SLC9A9: variants seen among roughly 807,000 people sequenced by gnomAD.
SLC9A9 encodes sodium/hydrogen exchanger 9.
SLC9A9 carries 62 observed loss-of-function variants against 77.8 expected under a neutral mutation model. The ratio of observed to expected loss-of-function variants is 0.80; its 90% CI spans 0.65 to 0.98. The LOEUF is 0.98. SLC9A9 is among the 50% of genes least tolerant of loss of function. The probability of loss-of-function intolerance (pLI) is 0.00; values close to 1 mark genes in which losing one functional copy is unlikely to be tolerated. For missense variants in SLC9A9, 775 were observed against 774.9 expected, an observed-to-expected ratio of 1.00 and a Z score of 0.00; for synonymous variants, 320 against 283.5, an observed-to-expected ratio of 1.13 and a Z score of -1.29.
At chr3:143,449,800 TTA>T (rs1203062799) in intron 12 of SLC9A9, among the ~76,000 whole-genome samples, 8 of 73,466 alleles carry the variant, frequency 1.1e-4, no homozygotes, top group African/African-American at 2.0e-4. Flanking sequence ...TATATATATT[TTA>T]TATATATAAT....
intron 8 of SLC9A9, among the ~76,000 whole-genome samples, chr3:143,573,504 GTCTAACGAACTGCCCCCTT>G (rs2037303629): frequency 6.6e-6 from 1 of 152,086 alleles, no homozygotes; most frequent in Non-Finnish European, 1.5e-5. Flanking sequence ...CAGCCCTTGG[GTCTAACGAACTGCCCCCTT>G]TCTATCAACT....
intron 8 of SLC9A9, among the ~76,000 whole-genome samples, chr3:143,560,538 T>A (rs2037064082): frequency 6.6e-6 from 1 of 152,188 alleles, no homozygotes; most frequent in African/African-American, 2.4e-5. Flanking sequence ...AGAATTGACA[T>A]GGTTCTGTGA....
intron 4 of SLC9A9, among the ~76,000 whole-genome samples, chr3:143,759,634 T>C (rs1298084236): frequency 6.6e-6 from 1 of 151,930 alleles, no homozygotes; most frequent in Admixed American, 6.6e-5. Flanking sequence ...ACCTCCTCTA[T>C]CCTCATAAGA....
chr3:143,824,088 A>C (rs2009239605), intron 2 of SLC9A9, among the ~76,000 whole-genome samples: 1 of 152,196 alleles, frequency 6.6e-6, no homozygotes, highest in South Asian at 2.1e-4. Flanking sequence ...GCAAGCTTTC[A>C]AAAGTGGCCA....
chr3:143,751,675 A>G (rs558398810), intron 4 of SLC9A9, among the ~76,000 whole-genome samples: 6 of 152,284 alleles, frequency 3.9e-5, no homozygotes, highest in African/African-American at 1.4e-4. Flanking sequence ...TGTGCACAAG[A>G]ACCTCTGCTT....
At chr3:143,700,183 A>C (rs1381195628) in intron 4 of SLC9A9, among the ~76,000 whole-genome samples, 1 of 152,000 alleles carries the variant, frequency 6.6e-6, no homozygotes, top group Admixed American at 6.6e-5. Context: ...AACCAGCAAC[A>C]ATACCCATGT....
intron 2 of SLC9A9, among the ~76,000 whole-genome samples, chr3:143,825,257 G>A (rs7648081): frequency 0.019 from 2,884 of 152,156 alleles, 98 homozygotes; most frequent in African/African-American, 0.066. Flanking sequence ...CTGCTCAAGC[G>A]ATTCCTGTTA....
chr3:143,546,276 G>T (rs181223227), intron 9 of SLC9A9, among the ~76,000 whole-genome samples: 1 of 152,110 alleles, frequency 6.6e-6, no homozygotes. Flanking sequence ...ATTCAATGGC[G>T]ATAAACACTA....
At chr3:143,482,413 C>T (rs1422339876) in intron 11 of SLC9A9, among the ~76,000 whole-genome samples, 8 of 152,140 alleles carry the variant, frequency 5.3e-5, no homozygotes, top group Admixed American at 5.2e-4. Context: ...TAAAACTTCT[C>T]GTAGTTTTTG....
chr3:143,678,523 C>T (rs867296012), intron 5 of SLC9A9, among the ~76,000 whole-genome samples: 3 of 152,080 alleles, frequency 2.0e-5, no homozygotes, highest in Non-Finnish European at 2.9e-5. Flanking sequence ...GTGAATTGTG[C>T]TAGTACCATT....
rs552324862 is a variant in SLC9A9, at chr3:143,730,788, T to A, written c.534-37481A>T. 2.0e-5 allele frequency among the ~76,000 whole-genome samples: 3 copies of A among 152,220 alleles called. No homozygotes were observed. In the East Asian group the frequency reaches 5.8e-4, roughly 29 times the overall value. On this transcript the variant is annotated intron_variant, in intron 4 of 15. Coordinates refer to ENST00000316549, the MANE Select transcript of SLC9A9 (RefSeq NM_173653.4). ...AATGGATGGATTGATAATGGATGGA[T>A]GGGTGAACAGGGAGAATATAAAGCC... is the stretch of plus-strand genomic sequence containing the variant.
intron 11 of SLC9A9, among the ~76,000 whole-genome samples, chr3:143,467,479 C>A (rs1221367540): frequency 6.6e-6 from 1 of 152,116 alleles, no homozygotes; most frequent in Non-Finnish European, 1.5e-5. Context: ...TGCAGTGGCT[C>A]ACACTTGTAA....
chr3:143,798,260 C>T (rs1392713720), intron 2 of SLC9A9, among the ~76,000 whole-genome samples: 6 of 152,156 alleles, frequency 3.9e-5, no homozygotes, highest in Non-Finnish European at 5.9e-5. Context: ...AAAACTCCGG[C>T]GCCAGTCACA....
At chr3:143,764,340 T>C (rs1466179869) in intron 4 of SLC9A9, among the ~76,000 whole-genome samples, 2 of 152,210 alleles carry the variant, frequency 1.3e-5, no homozygotes, top group South Asian at 2.1e-4. Flanking sequence ...GAAATTTCAA[T>C]GATAGCGTAT....
chr3:143,773,010 G>A (rs1576716157), intron 4 of SLC9A9, among the ~76,000 whole-genome samples: 1 of 152,338 alleles, frequency 6.6e-6, no homozygotes, highest in Middle Eastern at 3.4e-3. Context: ...GAAGATCATT[G>A]TTGGAAATCA....
intron 6 of SLC9A9, among the ~76,000 whole-genome samples, chr3:143,642,705 G>T (rs778782205): frequency 6.6e-6 from 1 of 152,042 alleles, no homozygotes; most frequent in Non-Finnish European, 1.5e-5. Context: ...TTTTTAAAAA[G>T]TGCTATCCTC....
intron 9 of SLC9A9, among the ~76,000 whole-genome samples, chr3:143,550,542 T>C (rs1382558109): frequency 6.6e-6 from 1 of 152,170 alleles, no homozygotes; most frequent in Non-Finnish European, 1.5e-5. Context: ...TCTTCAACAC[T>C]GGGGCTTTCT....
At chr3:143,435,705 G>A (rs928482713) in intron 12 of SLC9A9, among the ~76,000 whole-genome samples, 2 of 152,162 alleles carry the variant, frequency 1.3e-5, no homozygotes, top group Non-Finnish European at 2.9e-5. Context: ...AGGAATGTAT[G>A]CTGGGGTGGG....
intron 12 of SLC9A9, among the ~76,000 whole-genome samples, chr3:143,420,376 A>C (rs1406995857): frequency 1.3e-5 from 2 of 152,244 alleles, no homozygotes; most frequent in Non-Finnish European, 2.9e-5. Context: ...ATGACAGTTA[A>C]AACTCTATGG....
Sources: allele counts gnomAD v4.1 joint callset (sites outside exome capture counted in the v4.1 genomes callset), GRCh38; gene constraint gnomAD v4.1.1; transcripts MANE v1.5; gene names NCBI Gene and HGNC (gene_info 2026-07-23, HGNC 2026-07-21).